FAM131B: variants seen among roughly 807,000 people sequenced by gnomAD.
The protein encoded by FAM131B is protein FAM131B.
Under a neutral mutation model 42.0 loss-of-function variants are expected in FAM131B, and 19 were observed. The ratio of observed to expected loss-of-function variants is 0.45; its 90% confidence interval spans 0.32 to 0.66. FAM131B has a LOEUF of 0.66. Among genes scored for constraint, FAM131B ranks in the 30% least tolerant of loss-of-function variants. The probability of loss-of-function intolerance (pLI) is 0.05; values close to 1 mark genes in which losing one functional copy is unlikely to be tolerated. For missense variants in FAM131B, 370 were observed against 468.4 expected, an observed-to-expected ratio of 0.79 and a Z score of 1.94; for synonymous variants, 183 against 177.6, an observed-to-expected ratio of 1.03 and a Z score of -0.24.
the FAM131B span, chr7:143,381,826 G>T: frequency 6.8e-7 from 1 of 1,471,504 alleles, no homozygotes; most frequent in Non-Finnish European, 9.0e-7. Flanking sequence ...AGCCGGGGTG[G>T]GGGGCAGTCG....
At chr7:143,381,595 C>A in the FAM131B span, 1 of 1,611,218 alleles carries the variant, frequency 6.2e-7, no homozygotes, top group Non-Finnish European at 8.5e-7. Flanking sequence ...GCCCGTCTCC[C>A]GCGATCTCCG....
rs765960486 is a variant in FAM131B at position 143,358,889 on chromosome 7, C to A, written c.404G>T (p.Arg135Leu). 1 of 1,614,030 alleles carries A rather than the reference C, an allele frequency of 6.2e-7. No individual in the cohort carries two copies. Among genetic ancestry groups the A allele is most frequent in the East Asian group, 2.2e-5 (1 of 44,896 alleles). The change falls in exon 5 of 7, where the codon CGC becomes CTC. Residue 135 changes from arginine (R) to leucine (L), a missense_variant. By Grantham distance (102) the Arg-to-Leu change is moderately radical. Coordinates refer to ENST00000443739, the MANE Select transcript of FAM131B (RefSeq NM_001031690.3). The surrounding 1 kb of genome is among the most constrained non-coding windows in gnomAD (Gnocchi z 4.7). ...VQPQHSHESV[R>L]RDTDAYSDLS... is the part of the protein sequence containing the mutation. ...GTCGGAGTAGGCATCCGTATCCCTG[C>A]GCACGGACTCATGGCTGTGTTGTGG...
chr7:143,368,113 A>G, the FAM131B span, among the ~76,000 whole-genome samples: 4 of 152,236 alleles, frequency 2.6e-5, no homozygotes, highest in Non-Finnish European at 5.9e-5. Flanking sequence ...TCAGGTCCCA[A>G]GCACACACAG....
chr7:143,358,493 C>T lies in FAM131B; in HGVS notation c.466+334G>A, dbSNP rs1563095844. Among the ~76,000 whole-genome samples the T allele has an allele frequency of 6.6e-6, 1 of 152,156 alleles. No homozygotes were observed. Among genetic ancestry groups the T allele is most frequent in the East Asian group, 1.9e-4 (1 of 5,178 alleles). ...CAAAGGCTAAAAGAGATCCCCAAGG[C>T]CTTTCTTTCTTTCAAAGACCAAGGT... On this transcript the variant is annotated intron_variant, in intron 5 of 6. Coordinates refer to ENST00000443739, the MANE Select transcript of FAM131B (RefSeq NM_001031690.3). This position sits in a 1 kb window ranked among gnomAD's most constrained non-coding sequence, Gnocchi z 4.7.
chr7:143,381,583 C>A, the FAM131B span: 1 of 1,610,432 alleles, frequency 6.2e-7, no homozygotes, highest in Non-Finnish European at 8.5e-7. Context: ...TGGCGGCCCC[C>A]CGCCCGTCTC....
At chr7:143,367,608 G>A (rs576852327), upstream of FAM131B, among the ~76,000 whole-genome samples, 2 of 152,298 alleles carry the variant, frequency 1.3e-5, no homozygotes, top group East Asian at 3.9e-4. Flanking sequence ...AGGAGGCTGA[G>A]GCAGGAGAAT....
Position 143,359,890 on chromosome 7 carries a change from C to T in FAM131B, c.139-123G>A, listed in dbSNP as rs913493190. 2.8e-5 allele frequency: 30 copies of T among 1,062,794 alleles called. No individual in the cohort carries two copies. The highest frequency in any genetic ancestry group is 7.9e-5 in the African/African-American group (5 of 63,594). The allele number at this position is 1,062,794 out of a possible 1,614,324, so 65.8% of individuals were successfully genotyped here. On this transcript the variant is annotated intron_variant, in intron 2 of 6. Transcript: ENST00000443739. This position sits in a 1 kb window ranked among gnomAD's most constrained non-coding sequence, Gnocchi z 5.4. ...GGGAGGGCTTTCCTGAGGTTGATGC[C>T]GCTAACTGGGTTCTCCATGTGGACT...
At chr7:143,381,423 AGCGGCAGG>A in the FAM131B span, 1 of 1,244,698 alleles carries the variant, frequency 8.0e-7, no homozygotes, top group Admixed American at 4.4e-5. Flanking sequence ...AGGCGCGGGG[AGCGGCAGG>A]GCGGCCCCAC....
At position 143,357,305 on chromosome 7, in the gene FAM131B, G is replaced by T. The variant is rs1299750641; in HGVS notation, c.585C>A (p.Asn195Lys). ...QEPLGCNYSD[N>K]YQELMDSQDA... is the part of the protein sequence containing the mutation. ...CCTGACTGTCCATCAGTTCCTGGTAGTTGTCACTGTAGTTGCAGCCCAATG... is the reference window on the plus strand; with the variant it reads ...CCTGACTGTCCATCAGTTCCTGGTATTTGTCACTGTAGTTGCAGCCCAATG... Residue 195 changes from asparagine (N) to lysine (K), a missense_variant, in exon 6 of 7, where the codon AAC becomes AAA. Physicochemically the swap from Asn to Lys is moderately conservative, Grantham distance 94. Coordinates refer to ENST00000443739, the MANE Select transcript of FAM131B (RefSeq NM_001031690.3). The T allele has an allele frequency of 2.5e-6, 4 of 1,614,102 alleles. No homozygotes were observed. Among genetic ancestry groups the T allele is most frequent in the African/African-American group, 2.7e-5 (2 of 74,938 alleles).
chr7:143,359,774 GGAGA>G lies in FAM131B; in HGVS notation c.139-11_139-8del. 1.3e-6 allele frequency: 2 copies of G among 1,564,810 alleles called. No homozygotes were observed. The highest frequency in any genetic ancestry group is 1.7e-6 in the Non-Finnish European group (2 of 1,154,460). On this transcript the variant is annotated splice_polypyrimidine_tract_variant and splice_region_variant and intron_variant, in intron 2 of 6. Coordinates refer to ENST00000443739, the MANE Select transcript of FAM131B (RefSeq NM_001031690.3). This position sits in a 1 kb window ranked among gnomAD's most constrained non-coding sequence, Gnocchi z 5.4. ...AGAAATCAGTTCGAGTTTGCTGTGAGGAGAGAGGAAAGGGAATGGGCATCCCAGT... is the reference window on the plus strand; with the variant it reads ...AGAAATCAGTTCGAGTTTGCTGTGAGGAGGAAAGGGAATGGGCATCCCAGT...
chr7:143,363,951 G>C (rs2116495601), upstream of FAM131B: 1 of 152,326 alleles, frequency 6.6e-6, no homozygotes, highest in Non-Finnish European at 1.5e-5. Flanking sequence ...AGATGTGCAA[G>C]AAGAAGACAC....
chr7:143,378,097 T>C, the FAM131B span, among the ~76,000 whole-genome samples: 1 of 152,188 alleles, frequency 6.6e-6, no homozygotes, highest in Non-Finnish European at 1.5e-5. Flanking sequence ...GCTATTATAG[T>C]TGTTGATGTT....
chr7:143,378,438 T>C, the FAM131B span, among the ~76,000 whole-genome samples: 1 of 141,768 alleles, frequency 7.1e-6, no homozygotes, highest in African/African-American at 2.5e-5. Flanking sequence ...TCTTAAGCTG[T>C]TGGGCATTCT....
Position 143,356,371 on chromosome 7 carries a change from A to C in FAM131B, c.*179T>G. 1.7e-6 allele frequency: 1 copy of C among 589,450 alleles called. No individual in the cohort carries two copies. Among genetic ancestry groups the C allele is most frequent in the Non-Finnish European group, 3.0e-6 (1 of 333,324 alleles). The allele number at this position is 589,450 out of a possible 1,614,324, so 36.5% of individuals were successfully genotyped here. On this transcript the variant is annotated 3_prime_UTR_variant, in exon 7 of 7. Coordinates refer to ENST00000443739, the MANE Select transcript of FAM131B (RefSeq NM_001031690.3). This position sits in a 1 kb window ranked among gnomAD's most constrained non-coding sequence, Gnocchi z 4.4. ...TCAGTTCCCAGGCCTGTGGGTTTCT[A>C]GAGTGTAAGCCTGGATAAAATCCCA... is the stretch of plus-strand genomic sequence containing the variant.
Position 143,355,236 on chromosome 7 carries a change from G to A in FAM131B, c.*1314C>T, listed in dbSNP as rs1803598877. 1 of 152,414 alleles carries A rather than the reference G, an allele frequency of 6.6e-6. No homozygotes were observed. 9.4% of individuals were successfully genotyped at this position (152,414 alleles called of 1,614,324 possible). On this transcript the variant is annotated 3_prime_UTR_variant, in exon 7 of 7. Coordinates refer to ENST00000443739, the MANE Select transcript of FAM131B (RefSeq NM_001031690.3). This position sits in a 1 kb window ranked among gnomAD's most constrained non-coding sequence, Gnocchi z 4.1. ...ATCCTCTGCCTGTGCTCTCACGGTA[G>A]TGCTGGGGCGCATATGCTGCTCAGT...
the FAM131B span, among the ~76,000 whole-genome samples, chr7:143,369,093 G>C: frequency 2.2e-3 from 334 of 152,302 alleles, 2 homozygotes; most frequent in African/African-American, 7.5e-3. Context: ...TAGAAATCAA[G>C]TTCCTTGCTG....
At chr7:143,360,283 T>C (rs1803897474) in intron 1 of FAM131B, 134 bp from the exon 2 acceptor site, 2 of 1,470,978 alleles carry the variant, frequency 1.4e-6, no homozygotes, top group Admixed American at 2.4e-5. Context: ...CTCTCCAAAT[T>C]CTAGGGGAGA....
the FAM131B span, among the ~76,000 whole-genome samples, chr7:143,373,843 C>T: frequency 6.6e-6 from 1 of 152,190 alleles, no homozygotes; most frequent in African/African-American, 2.4e-5. Context: ...AGGCGAGCAA[C>T]TGTGGGCAAG....
In FAM131B at chr7:143,356,514, AG is replaced by A; in HGVS notation, c.*35del. ...GGTATGGGTCACAGCCATGGCCCTC[AG>A]GTGGGAGTGGAAGGCAGGGCATTGG... On this transcript the variant is annotated 3_prime_UTR_variant, in exon 7 of 7. Coordinates refer to ENST00000443739, the MANE Select transcript of FAM131B (RefSeq NM_001031690.3). This position sits in a 1 kb window ranked among gnomAD's most constrained non-coding sequence, Gnocchi z 4.4. 1 of 1,499,122 alleles carries A rather than the reference AG, an allele frequency of 6.7e-7. No individual in the cohort carries two copies. 92.9% of individuals were successfully genotyped at this position (1,499,122 alleles called of 1,614,324 possible).
Sources: gnomAD v4.1 joint callset for allele counts (sites outside exome capture counted in the v4.1 genomes callset) on GRCh38, gnomAD v4.1.1 for gene constraint, Gnocchi (gnomAD v3.1) non-coding constraint, MANE v1.5 for transcripts, NCBI Gene and HGNC (gene_info 2026-07-23, HGNC 2026-07-21) for gene names.